The following PTPRB variants were observed in gnomAD, a reference collection of about 807,000 sequenced individuals.
PTPRB encodes protein tyrosine phosphatase receptor type B.
In PTPRB, 97 loss-of-function variants were observed where a neutral mutation model predicts 238.1. The observed-to-expected ratio is 0.41, with a 90% CI of 0.35 to 0.48. The LOEUF is 0.48. Among genes scored for constraint, PTPRB ranks in the 20% least tolerant of loss-of-function variants. The pLI, the probability that PTPRB is intolerant of heterozygous loss-of-function variation, is 0.30. For synonymous variants in PTPRB, 970 were observed against 995.4 expected, an observed-to-expected ratio of 0.97 and a Z score of 0.48; for missense variants, 2,292 against 2,681.9, an observed-to-expected ratio of 0.85 and a Z score of 3.21.
intron 3 of PTPRB, among the ~76,000 whole-genome samples, chr12:70,618,237 T>C (rs1327538936): frequency 1.3e-5 from 2 of 152,170 alleles, no homozygotes; most frequent in African/African-American, 4.8e-5. Flanking sequence ...GTAGCTGGGA[T>C]CACAGGCACG....
chr12:70,555,975 T>G lies in PTPRB; in HGVS notation c.4888A>C (p.Ile1630Leu). The G allele has an allele frequency of 6.2e-7, 1 of 1,614,002 alleles. No homozygotes were observed. The highest frequency in any genetic ancestry group is 1.1e-5 in the South Asian group (1 of 91,086). ...CTCTTATGGGGCACTAGCATCATGA[T>G]GTTGAGCAGAGATTTTTCTTTCTCC... ...KLEKEKSLLN[I>L]MMLVPHKRYL... Residue 1630 changes from isoleucine (I) to leucine (L), a missense_variant, in exon 19 of 34, where the codon ATC becomes CTC. This residue lies in a region of PTPRB where 683 missense variants were observed against 862.0 expected (regional missense o/e 0.79). Coordinates refer to ENST00000334414, the MANE Select transcript of PTPRB (RefSeq NM_001109754.4).
intron 5 of PTPRB, 112 bp from the exon 6 acceptor site, chr12:70,594,836 T>A (rs2136476465): frequency 7.7e-7 from 1 of 1,293,170 alleles, no homozygotes; most frequent in South Asian, 1.5e-5. Flanking sequence ...ACATCTTAAC[T>A]TGATAATAGC....
chr12:70,604,831 A>G (rs1020466515), intron 4 of PTPRB, among the ~76,000 whole-genome samples: 5 of 152,156 alleles, frequency 3.3e-5, no homozygotes, highest in Non-Finnish European at 5.9e-5. Context: ...GGACATGCAA[A>G]AAGGTGCCAT....
intron 15 of PTPRB, among the ~76,000 whole-genome samples, chr12:70,563,817 A>G (rs117337583): frequency 0.02 from 3,052 of 152,258 alleles, 56 homozygotes; most frequent in Middle Eastern, 0.068. Flanking sequence ...CCCAGGTGAA[A>G]ACTCTGGAAT....
intron 20 of PTPRB, among the ~76,000 whole-genome samples, chr12:70,553,309 C>G (rs1335995630): frequency 1.3e-5 from 2 of 152,196 alleles, no homozygotes. Context: ...GAGAGCATGT[C>G]TCACAACTCC....
At chr12:70,553,570 T>TA (rs969188226) in intron 20 of PTPRB, among the ~76,000 whole-genome samples, 23 of 152,306 alleles carry the variant, frequency 1.5e-4, no homozygotes, top group African/African-American at 5.5e-4. Flanking sequence ...TTTGGCCCCT[T>TA]ACTCAGAGCA....
chr12:70,545,994 A>G (rs2717415), intron 21 of PTPRB, among the ~76,000 whole-genome samples: 128,187 of 152,046 alleles, frequency 0.84, 54,368 homozygotes, highest in East Asian at 0.93. Flanking sequence ...AAAATTAGCC[A>G]GGCATGGTGG....
intron 3 of PTPRB, chr12:70,609,846 G>C (rs899941564): frequency 1.3e-6 from 2 of 1,559,742 alleles, no homozygotes; most frequent in Non-Finnish European, 1.7e-6. Context: ...AGAGGAGACC[G>C]AGGGGGCTGG....
At chr12:70,522,371 G>A (rs1029819342) in intron 33 of PTPRB, among the ~76,000 whole-genome samples, 15 of 152,284 alleles carry the variant, frequency 9.9e-5, no homozygotes, top group Non-Finnish European at 1.8e-4. Flanking sequence ...TCAGATAATG[G>A]CAGCCCCAGT....
Position 70,548,318 on chromosome 12 carries a change from A to ACTCT in PTPRB, c.5388-3659_5388-3656dup, listed in dbSNP as rs71457058. On this transcript the variant is annotated intron_variant, in intron 21 of 33. Coordinates refer to ENST00000334414, the MANE Select transcript of PTPRB (RefSeq NM_001109754.4). ...ACTCCAGCCTGGGCAACACAGCAAG[A>ACTCT]CTCTCTCTCTCTCTCTCTCTCTCTC... is the stretch of plus-strand genomic sequence containing the variant. Among the ~76,000 whole-genome samples, 76 of 127,898 alleles carry ACTCT rather than the reference A, an allele frequency of 5.9e-4. 1 individual carries two copies. Among genetic ancestry groups the ACTCT allele is most frequent in the African/African-American group, 1.6e-3 (51 of 32,584 alleles). 83.9% of individuals were successfully genotyped at this position (127,898 alleles called of 152,430 possible).
In PTPRB at chr12:70,528,489, C is replaced by A. The variant is rs78469787; in HGVS notation, c.6504+3546G>T. ...ATTAGCAGGGCTAATGAGAGTTGAT[C>A]AAGGGCAGTGGCAGTGGGATGAGGG... On this transcript the variant is annotated intron_variant, in intron 32 of 33. Coordinates refer to ENST00000334414, the MANE Select transcript of PTPRB (RefSeq NM_001109754.4). 8.5e-3 allele frequency among the ~76,000 whole-genome samples: 528 copies of A among 62,450 alleles called. 2 individuals are homozygous for A. Among genetic ancestry groups the A allele is most frequent in the African/African-American group, 0.04 (495 of 12,320 alleles). The allele number at this position is 62,450 out of a possible 152,430, so 41.0% of individuals were successfully genotyped here.
At chr12:70,618,537 C>G (rs1367489543) in intron 3 of PTPRB, among the ~76,000 whole-genome samples, 1 of 151,852 alleles carries the variant, frequency 6.6e-6, no homozygotes. Flanking sequence ...GTAGATATCA[C>G]CACTGGGATT....
chr12:70,575,740 A>G (rs1200481939), intron 11 of PTPRB, among the ~76,000 whole-genome samples: 5 of 152,242 alleles, frequency 3.3e-5, no homozygotes, highest in Non-Finnish European at 7.3e-5. Flanking sequence ...AAGCATAAAT[A>G]TATTGGGAAA....
chr12:70,603,486 C>A (rs537533464), intron 4 of PTPRB, among the ~76,000 whole-genome samples: 1 of 152,126 alleles, frequency 6.6e-6, no homozygotes, highest in Non-Finnish European at 1.5e-5. Flanking sequence ...CTAATGCCAA[C>A]TTAAAAATAA....
At chr12:70,549,885 A>C (rs562603408) in intron 21 of PTPRB, among the ~76,000 whole-genome samples, 7 of 148,686 alleles carry the variant, frequency 4.7e-5, no homozygotes, top group African/African-American at 1.4e-4. Context: ...TGAAGCCATA[A>C]CACGAATGTG....
Position 70,581,037 on chromosome 12 carries a change from T to C in PTPRB, c.2577A>G (p.Thr859=). 1.2e-6 allele frequency: 2 copies of C among 1,613,558 alleles called. No homozygotes were observed. Among genetic ancestry groups the C allele is most frequent in the Non-Finnish European group, 8.5e-7 (1 of 1,179,674 alleles). The stretch of plus-strand genomic sequence containing the variant: ...CAGACACATATCTCTACTTCTTACC[T>C]GTTCTTCCCTCCACAACCACTTGTC... ...SSRQVVVEGR[T]VPSSVSGVTV... The change falls in exon 10 of 34, where the codon ACA becomes ACG. Residue 859 remains threonine, a splice_region_variant and synonymous_variant. Coordinates refer to ENST00000334414, the MANE Select transcript of PTPRB (RefSeq NM_001109754.4).
At chr12:70,526,074 A>G (rs561203388) in intron 32 of PTPRB, among the ~76,000 whole-genome samples, 1 of 152,316 alleles carries the variant, frequency 6.6e-6, no homozygotes, top group South Asian at 2.1e-4. Flanking sequence ...TTTCCAAGTA[A>G]ACAGGTACTT....
intron 4 of PTPRB, chr12:70,608,831 C>A: frequency 1.8e-6 from 1 of 567,350 alleles, no homozygotes; most frequent in Non-Finnish European, 3.0e-6. Flanking sequence ...CCCTGCACCC[C>A]ACCCCGACCC....
rs144617843 is a variant in PTPRB at position 70,612,655 on chromosome 12, A to G, written c.709-3316T>C. On this transcript the variant is annotated intron_variant, in intron 3 of 33. Transcript: ENST00000334414. ...TGCTTTTGATTAAACATGAGTGAAC[A>G]AGCAGCTGTCTTAAAAAAAAAAAGT... 4.3e-3 allele frequency among the ~76,000 whole-genome samples: 635 copies of G among 148,742 alleles called. 6 individuals carry two copies. The highest frequency in any genetic ancestry group is 0.015 in the African/African-American group (589 of 39,486).
Sources: gnomAD v4.1 joint callset for allele counts (sites outside exome capture counted in the v4.1 genomes callset) on GRCh38, gnomAD v4.1.1 for gene constraint, gnomAD v4.1.1 regional missense constraint, MANE v1.5 for transcripts, NCBI Gene and HGNC (gene_info 2026-07-23, HGNC 2026-07-21) for gene names.